The following PLPPR1 variants were observed in gnomAD, a reference collection of about 807,000 sequenced individuals.
PLPPR1 encodes phospholipid phosphatase-related protein type 1.
In PLPPR1, 10 loss-of-function variants were observed where a neutral mutation model predicts 33.1. The observed-to-expected ratio is 0.30, with a 90% CI of 0.19 to 0.51. The LOEUF is 0.51. PLPPR1 is among the 20% of genes least tolerant of loss of function. PLPPR1 has a pLI of 0.97. For synonymous variants in PLPPR1, 151 were observed against 151.0 expected, an observed-to-expected ratio of 1.00 and a Z score of 0.00; for missense variants, 304 against 408.1, an observed-to-expected ratio of 0.74 and a Z score of 2.20.
intron 3 of PLPPR1, among the ~76,000 whole-genome samples, chr9:101,278,787 G>A (rs562720255): frequency 2.0e-4 from 30 of 152,282 alleles, no homozygotes; most frequent in Non-Finnish European, 2.1e-4. Flanking sequence ...TTGTACTACC[G>A]CTGGCTTGAC....
At chr9:101,058,985 C>T (rs1830310722) in intron 1 of PLPPR1, among the ~76,000 whole-genome samples, 2 of 152,136 alleles carry the variant, frequency 1.3e-5, no homozygotes, top group Admixed American at 1.3e-4. Flanking sequence ...CCTAAAAGTA[C>T]ATACTTCCAG....
chr9:101,250,338 T>C (rs1012570510), intron 2 of PLPPR1, among the ~76,000 whole-genome samples: 1 of 152,046 alleles, frequency 6.6e-6, no homozygotes, highest in Non-Finnish European at 1.5e-5. Context: ...CTCCTCCTTT[T>C]CAAAGAGCAC....
In PLPPR1 at chr9:101,235,471, A is replaced by T. The variant is rs190832895; in HGVS notation, c.64-34409A>T. Among the ~76,000 whole-genome samples, 10 of 151,974 alleles carry T rather than the reference A, an allele frequency of 6.6e-5. No homozygotes were observed. In the East Asian group the frequency reaches 9.7e-4, roughly 15 times the overall value. On this transcript the variant is annotated intron_variant, in intron 2 of 7. Coordinates refer to ENST00000374874, the MANE Select transcript of PLPPR1 (RefSeq NM_207299.2). ...GTGATATTAGTCTCTCTTTAACAAA[A>T]TTTTTTTAAAACCTCTAGCATCTTT...
intron 2 of PLPPR1, among the ~76,000 whole-genome samples, chr9:101,225,586 G>A (rs1421611054): frequency 6.6e-6 from 1 of 152,116 alleles, no homozygotes; most frequent in Non-Finnish European, 1.5e-5. Context: ...GGAGCATGCA[G>A]TGAAAATAAC....
chr9:101,323,587 C>T (rs1356988663), intron 7 of PLPPR1, among the ~76,000 whole-genome samples: 2 of 151,902 alleles, frequency 1.3e-5, no homozygotes, highest in Admixed American at 1.3e-4. Context: ...TGCCTATAAT[C>T]CCAGCACTTT....
At chr9:101,235,593 A>C in intron 2 of PLPPR1, among the ~76,000 whole-genome samples, 1 of 151,842 alleles carries the variant, frequency 6.6e-6, no homozygotes, top group Non-Finnish European at 1.5e-5. Context: ...CCAAGAAAAA[A>C]AATAGTTTCT....
intron 2 of PLPPR1, among the ~76,000 whole-genome samples, chr9:101,246,639 T>C (rs10116810): frequency 0.44 from 66,480 of 151,728 alleles, 14,739 homozygotes; most frequent in South Asian, 0.56. Context: ...TTATACTATC[T>C]CTCAACAGCA....
intron 1 of PLPPR1, chr9:101,125,970 G>A (rs1831242093): frequency 4.0e-6 from 1 of 251,744 alleles, no homozygotes; most frequent in Non-Finnish European, 7.5e-6. Context: ...GGTTAACCAT[G>A]AAACTGAAGC....
At chr9:101,239,974 C>T (rs1057078100) in intron 2 of PLPPR1, among the ~76,000 whole-genome samples, 2 of 152,004 alleles carry the variant, frequency 1.3e-5, no homozygotes, top group African/African-American at 2.4e-5. Context: ...TTTGCCTAGA[C>T]CAATGTCCTA....
chr9:101,244,717 A>T (rs78435185), intron 2 of PLPPR1, among the ~76,000 whole-genome samples: 8,063 of 152,012 alleles, frequency 0.053, 297 homozygotes, highest in South Asian at 0.17. Flanking sequence ...TGTAGTGAAA[A>T]TCATACTGAA....
At chr9:101,125,027 G>A (rs62575690) in intron 1 of PLPPR1, among the ~76,000 whole-genome samples, 72,432 of 152,034 alleles carry the variant, frequency 0.48, 17,793 homozygotes, top group Non-Finnish European at 0.54. Context: ...TGCCCTTTGA[G>A]CCATAGCTAA....
At chr9:101,130,064 A>G (rs879832916) in intron 1 of PLPPR1, among the ~76,000 whole-genome samples, 10 of 152,140 alleles carry the variant, frequency 6.6e-5, no homozygotes, top group Admixed American at 2.6e-4. Flanking sequence ...CTTTTTGGGG[A>G]TATGGAAATG....
chr9:101,093,395 C>A (rs1032676337), intron 1 of PLPPR1, among the ~76,000 whole-genome samples: 2 of 152,252 alleles, frequency 1.3e-5, no homozygotes, highest in Non-Finnish European at 2.9e-5. Flanking sequence ...CAGAAAAATT[C>A]ATTCATTAAT....
intron 2 of PLPPR1, among the ~76,000 whole-genome samples, chr9:101,205,737 ACTTTT>A (rs1216034291): frequency 6.6e-6 from 1 of 152,138 alleles, no homozygotes; most frequent in Non-Finnish European, 1.5e-5. Context: ...ACTTATTGAA[ACTTTT>A]CTTTATGCTG....
At chr9:101,128,867 T>C (rs1041530383) in intron 1 of PLPPR1, among the ~76,000 whole-genome samples, 1 of 152,132 alleles carries the variant, frequency 6.6e-6, no homozygotes, top group Non-Finnish European at 1.5e-5. Context: ...AACCCCATCT[T>C]TTTCCTCTCT....
intron 1 of PLPPR1, among the ~76,000 whole-genome samples, chr9:101,037,090 G>T (rs2118408612): frequency 6.6e-6 from 1 of 152,232 alleles, no homozygotes; most frequent in South Asian, 2.1e-4. Context: ...AGCTTCAGCA[G>T]CTTGTCCATG....
At chr9:101,181,688 A>G (rs1290805111) in intron 1 of PLPPR1, among the ~76,000 whole-genome samples, 1 of 143,996 alleles carries the variant, frequency 6.9e-6, no homozygotes, top group Non-Finnish European at 1.5e-5. Flanking sequence ...ATATACACAC[A>G]CACATACATA....
intron 1 of PLPPR1, among the ~76,000 whole-genome samples, chr9:101,121,876 C>T (rs191026733): frequency 2.6e-5 from 4 of 152,190 alleles, no homozygotes; most frequent in Admixed American, 2.6e-4. Context: ...ATAGGATATG[C>T]ACTAGGGAAG....
At chr9:101,252,086 CCTG>C (rs1324868890) in intron 2 of PLPPR1, among the ~76,000 whole-genome samples, 2 of 152,006 alleles carry the variant, frequency 1.3e-5, no homozygotes, top group African/African-American at 4.8e-5. Context: ...ATGGTATCAC[CCTG>C]CTAATGCAAT....
Sources: gnomAD v4.1 joint callset for allele counts (sites outside exome capture counted in the v4.1 genomes callset) on GRCh38, gnomAD v4.1.1 for gene constraint, MANE v1.5 for transcripts, NCBI Gene and HGNC (gene_info 2026-07-23, HGNC 2026-07-21) for gene names.